Variants in CAMK2D observed in about 807,000 individuals in gnomAD.
The protein encoded by CAMK2D is calcium/calmodulin-dependent protein kinase type II subunit delta.
In CAMK2D, 37 loss-of-function variants were observed where a neutral mutation model predicts 84.0. The observed-to-expected ratio is 0.44, with a 90% CI of 0.34 to 0.58. The LOEUF (loss-of-function observed/expected upper bound fraction) is 0.58. CAMK2D is among the 20% of genes least tolerant of loss of function. The pLI, the probability that CAMK2D is intolerant of heterozygous loss-of-function variation, is 0.02. For synonymous variants in CAMK2D, 202 were observed against 212.5 expected, an observed-to-expected ratio of 0.95 and a Z score of 0.43; for missense variants, 448 against 652.5, an observed-to-expected ratio of 0.69 and a Z score of 3.41.
intron 3 of CAMK2D, among the ~76,000 whole-genome samples, chr4:113,609,655 C>T (rs1168069320): frequency 6.6e-6 from 1 of 152,178 alleles, no homozygotes; most frequent in Non-Finnish European, 1.5e-5. Context: ...TGCTTGGTCA[C>T]TACAACAGAC....
chr4:113,688,485 C>T (rs753338326), intron 2 of CAMK2D, among the ~76,000 whole-genome samples: 7 of 152,130 alleles, frequency 4.6e-5, no homozygotes, highest in Non-Finnish European at 1.0e-4. Flanking sequence ...TACCTTCATA[C>T]ACGTTTCTAA....
intron 3 of CAMK2D, among the ~76,000 whole-genome samples, chr4:113,659,612 A>C (rs773051738): frequency 2.0e-5 from 3 of 152,204 alleles, no homozygotes; most frequent in Non-Finnish European, 4.4e-5. Context: ...CTTAGGAAGG[A>C]GGTCTCAGAA....
chr4:113,480,544 A>C (rs2097689212), intron 16 of CAMK2D, among the ~76,000 whole-genome samples: 1 of 152,136 alleles, frequency 6.6e-6, no homozygotes, highest in South Asian at 2.1e-4. Flanking sequence ...TAGTGCCCTT[A>C]TAAAAGGGCT....
At chr4:113,581,169 T>C (rs1478719438) in intron 4 of CAMK2D, among the ~76,000 whole-genome samples, 1 of 152,152 alleles carries the variant, frequency 6.6e-6, no homozygotes, top group Admixed American at 6.5e-5. Flanking sequence ...GAATCAATAA[T>C]TGTTATTCTA....
chr4:113,745,048 T>C (rs981088451), intron 2 of CAMK2D, among the ~76,000 whole-genome samples: 3 of 152,204 alleles, frequency 2.0e-5, no homozygotes, highest in African/African-American at 7.2e-5. Flanking sequence ...TATCTTAAGG[T>C]TTCAGAATCT....
chr4:113,664,395 C>T (rs969089716), intron 2 of CAMK2D, among the ~76,000 whole-genome samples: 5 of 152,188 alleles, frequency 3.3e-5, no homozygotes, highest in African/African-American at 1.2e-4. Flanking sequence ...GGTCTCTCAC[C>T]AGGCTGCAAT....
At position 113,594,239 on chromosome 4, in the gene CAMK2D, A is replaced by G. The variant is rs146979522; in HGVS notation, c.275+14913T>C. 5.6e-3 allele frequency among the ~76,000 whole-genome samples: 846 copies of G among 152,312 alleles called. 30 individuals are homozygous for G. The highest frequency in any genetic ancestry group is 1.7e-3 in the Non-Finnish European group (116 of 68,030). On this transcript the variant is annotated intron_variant, in intron 4 of 20. Transcript: ENST00000511664. Reference sequence around the variant, plus strand: ...GATGGTGCTAAACCATTCGTGAGAAATCCAACCCCATGATCGAATCACCTC... The same window carrying G: ...GATGGTGCTAAACCATTCGTGAGAAGTCCAACCCCATGATCGAATCACCTC...
intron 2 of CAMK2D, among the ~76,000 whole-genome samples, chr4:113,665,919 T>G (rs956084696): frequency 1.3e-5 from 2 of 152,324 alleles, no homozygotes; most frequent in South Asian, 2.1e-4. Flanking sequence ...GTAGAAAGAC[T>G]TTTGGATTTT....
rs560670265 is a variant in CAMK2D at position 113,630,353 on chromosome 4, G to A, written c.221-21147C>T. On this transcript the variant is annotated intron_variant, in intron 3 of 20. Transcript: ENST00000511664. ...CTAAAATTAATGAATTATTAGACCT[G>A]GGGTTATGCGGTCTTTGAGAAAAAT... Among the ~76,000 whole-genome samples the A allele has an allele frequency of 5.3e-5, 8 of 152,192 alleles. No individual in the cohort carries two copies. The East Asian group carries it at 1.2e-3, about 22-fold the overall frequency.
intron 13 of CAMK2D, chr4:113,508,409 G>GAT: frequency 1.5e-6 from 1 of 648,168 alleles, no homozygotes; most frequent in Non-Finnish European, 2.8e-6. Flanking sequence ...TTCTGGAAAT[G>GAT]CGTTCTATGT....
chr4:113,513,404 TGC>T lies in CAMK2D; in HGVS notation c.904-36_904-35del, dbSNP rs781180416. ...AAAATTAGAACACAAAAGTCAGTGT[TGC>T]CTATGCAAATTCTGGACCTAACAAA... On this transcript the variant is annotated intron_variant, in intron 11 of 20. Coordinates refer to ENST00000511664, the MANE Select transcript of CAMK2D (RefSeq NM_001321571.2). 9 of 1,381,906 alleles carry T rather than the reference TGC, an allele frequency of 6.5e-6. No individual in the cohort carries two copies. In the East Asian group the frequency reaches 1.4e-4, roughly 21 times the overall value. The allele number at this position is 1,381,906 out of a possible 1,614,324, so 85.6% of individuals were successfully genotyped here.
chr4:113,754,120 A>G (rs562492340), intron 2 of CAMK2D: 1 of 888,766 alleles, frequency 1.1e-6, no homozygotes, highest in South Asian at 5.2e-5. Context: ...CAGTTAAAAT[A>G]TTGCTAATAC....
At chr4:113,552,303 G>A (rs1465878854) in intron 4 of CAMK2D, among the ~76,000 whole-genome samples, 1 of 151,468 alleles carries the variant, frequency 6.6e-6, no homozygotes, top group Non-Finnish European at 1.5e-5. Flanking sequence ...TTAGACACAT[G>A]AGGTCACAAT....
At chr4:113,577,654 G>A (rs1370964848) in intron 4 of CAMK2D, among the ~76,000 whole-genome samples, 1 of 151,694 alleles carries the variant, frequency 6.6e-6, no homozygotes, top group East Asian at 1.9e-4. Flanking sequence ...ACTCTTTATT[G>A]AATATGTGTC....
chr4:113,687,738 G>A (rs2099364136), intron 2 of CAMK2D, among the ~76,000 whole-genome samples: 1 of 152,122 alleles, frequency 6.6e-6, no homozygotes. Flanking sequence ...GACTGTTCTT[G>A]CCAGTAACAT....
chr4:113,757,764 G>T (rs1193046220), intron 2 of CAMK2D, among the ~76,000 whole-genome samples: 1 of 152,124 alleles, frequency 6.6e-6, no homozygotes, highest in Non-Finnish European at 1.5e-5. Context: ...ATTCCATCAG[G>T]CCAAAGAAGG....
chr4:113,600,590 C>T (rs1183087352), intron 4 of CAMK2D, among the ~76,000 whole-genome samples: 1 of 152,038 alleles, frequency 6.6e-6, no homozygotes, highest in Non-Finnish European at 1.5e-5. Context: ...TGATATAACA[C>T]CAAGAAATCC....
chr4:113,455,560 G>A (rs2154099270), intron 20 of CAMK2D, among the ~76,000 whole-genome samples, 166 bp downstream of exon 20: 1 of 152,258 alleles, frequency 6.6e-6, no homozygotes, highest in Non-Finnish European at 1.5e-5. Flanking sequence ...AGGGCTGAAT[G>A]TTAGATTCAA....
At chr4:113,575,923 A>G (rs2098779556) in intron 4 of CAMK2D, among the ~76,000 whole-genome samples, 2 of 152,174 alleles carry the variant, frequency 1.3e-5, no homozygotes, top group Non-Finnish European at 2.9e-5. Flanking sequence ...GTAAGTAGGA[A>G]TTTGAAGCAT....
Sources: allele counts gnomAD v4.1 joint callset (sites outside exome capture counted in the v4.1 genomes callset), GRCh38; gene constraint gnomAD v4.1.1; transcripts MANE v1.5; gene names NCBI Gene and HGNC (gene_info 2026-07-23, HGNC 2026-07-21).